The following CRYBA4 variants were observed in gnomAD, a reference collection of about 807,000 sequenced individuals.
CRYBA4 encodes the protein beta-crystallin A4.
CRYBA4 carries 30 observed loss-of-function variants against 31.7 expected under a neutral mutation model. That is an observed-to-expected ratio of 0.95 (90% CI 0.71 to 1.28). The LOEUF is 1.28. CRYBA4 is among the 50% of genes most tolerant of loss of function. The pLI is 0.00. For synonymous variants in CRYBA4, 102 were observed against 102.3 expected, an observed-to-expected ratio of 1.00 and a Z score of 0.02; for missense variants, 225 against 260.7, an observed-to-expected ratio of 0.86 and a Z score of 0.94.
At chr22:26,598,806 A>G in the CRYBA4 span, among the ~76,000 whole-genome samples, 1 of 152,256 alleles carries the variant, frequency 6.6e-6, no homozygotes, top group Non-Finnish European at 1.5e-5. Context: ...AAATATGTCA[A>G]AAGTAGACCA....
the CRYBA4 span, among the ~76,000 whole-genome samples, chr22:26,594,378 C>G: frequency 6.6e-6 from 1 of 152,198 alleles, no homozygotes; most frequent in African/African-American, 2.4e-5. Flanking sequence ...CTCCACCCCA[C>G]ATATACACAC....
the CRYBA4 span, among the ~76,000 whole-genome samples, chr22:26,592,268 A>T: frequency 2.3e-3 from 349 of 152,352 alleles, 2 homozygotes; most frequent in African/African-American, 7.6e-3. Flanking sequence ...CATTTGTTTA[A>T]TAACATTCTA....
upstream of CRYBA4, among the ~76,000 whole-genome samples, chr22:26,618,904 C>T (rs138499378): frequency 4.1e-4 from 63 of 152,344 alleles, no homozygotes; most frequent in African/African-American, 1.5e-3. Flanking sequence ...CTCGCCACCC[C>T]AGTTCCCCGC....
chr22:26,598,508 C>T, the CRYBA4 span, among the ~76,000 whole-genome samples: 4 of 152,020 alleles, frequency 2.6e-5, no homozygotes, highest in Non-Finnish European at 2.9e-5. Context: ...CTCAGTCTCC[C>T]GAATAGCTGG....
chr22:26,619,244 G>C (rs1485709372), upstream of CRYBA4, among the ~76,000 whole-genome samples: 1 of 152,176 alleles, frequency 6.6e-6, no homozygotes, highest in African/African-American at 2.4e-5. Flanking sequence ...ACACAGAGAG[G>C]CACAGGGGAC....
the CRYBA4 span, among the ~76,000 whole-genome samples, chr22:26,591,293 A>C: frequency 6.6e-6 from 1 of 152,172 alleles, no homozygotes; most frequent in African/African-American, 2.4e-5. Flanking sequence ...CAACATGGCG[A>C]AACCCTGTCT....
chr22:26,607,114 C>T, the CRYBA4 span, among the ~76,000 whole-genome samples: 1 of 151,228 alleles, frequency 6.6e-6, no homozygotes, highest in Non-Finnish European at 1.5e-5. Flanking sequence ...CCTCTGGCTC[C>T]CGGGTTCAAG....
chr22:26,590,533 C>T, the CRYBA4 span, among the ~76,000 whole-genome samples: 2 of 152,220 alleles, frequency 1.3e-5, no homozygotes, highest in Admixed American at 6.5e-5. Context: ...TAGTCATACA[C>T]ACCAGTGGTT....
intron 4 of CRYBA4, among the ~76,000 whole-genome samples, chr22:26,626,263 G>A (rs1432556147): frequency 6.6e-6 from 1 of 152,144 alleles, no homozygotes. Context: ...AATTAGTTGA[G>A]TGTGGTGGCA....
the CRYBA4 span, among the ~76,000 whole-genome samples, chr22:26,600,855 C>T: frequency 6.6e-6 from 1 of 152,224 alleles, no homozygotes; most frequent in African/African-American, 2.4e-5. Context: ...TCCTAGAAAC[C>T]TCTCCTCCTC....
chr22:26,600,578 G>T, the CRYBA4 span, among the ~76,000 whole-genome samples: 1 of 152,160 alleles, frequency 6.6e-6, no homozygotes, highest in African/African-American at 2.4e-5. Context: ...CTGTACAGTG[G>T]GGATGATAAT....
At chr22:26,612,269 G>T in the CRYBA4 span, 1 of 921,504 alleles carries the variant, frequency 1.1e-6, no homozygotes, top group Non-Finnish European at 1.8e-6. Flanking sequence ...ATAAATAAAA[G>T]CCAGCAGTGC....
the CRYBA4 span, among the ~76,000 whole-genome samples, chr22:26,591,281 G>T: frequency 6.6e-6 from 1 of 152,026 alleles, no homozygotes; most frequent in African/African-American, 2.4e-5. Flanking sequence ...GACCAGCCAG[G>T]CCAACATGGC....
At chr22:26,608,056 A>T in the CRYBA4 span, 1 of 1,613,946 alleles carries the variant, frequency 6.2e-7, no homozygotes, top group Non-Finnish European at 8.5e-7. Context: ...CAGACAGGAG[A>T]CATATGGTTA....
At chr22:26,601,813 G>C in the CRYBA4 span, 3 of 1,608,204 alleles carry the variant, frequency 1.9e-6, no homozygotes, top group Non-Finnish European at 2.5e-6. Context: ...ACCTGTAAGG[G>C]GAGCAGCCTC....
the CRYBA4 span, chr22:26,602,109 G>A: frequency 2.6e-6 from 4 of 1,539,180 alleles, no homozygotes; most frequent in Non-Finnish European, 3.5e-6. Context: ...TGTGGAGCGA[G>A]AGAGATGAGC....
At chr22:26,596,131 T>C in the CRYBA4 span, among the ~76,000 whole-genome samples, 12 of 152,232 alleles carry the variant, frequency 7.9e-5, no homozygotes, top group African/African-American at 2.9e-4. Context: ...GATGGAAGCT[T>C]GTTCTGTCGC....
Position 26,630,614 on chromosome 22 carries a change from G to T in CRYBA4, c.*127G>T. The T allele has an allele frequency of 1.3e-6, 1 of 766,498 alleles. No homozygotes were observed. Among genetic ancestry groups the T allele is most frequent in the Non-Finnish European group, 2.2e-6 (1 of 454,714 alleles). The allele number at this position is 766,498 out of a possible 1,614,324, so 47.5% of individuals were successfully genotyped here. On this transcript the variant is annotated 3_prime_UTR_variant, in exon 6 of 6. Transcript: ENST00000354760. The stretch of plus-strand genomic sequence containing the variant: ...GTGAACCCAGCACCCATGTGAACTG[G>T]TCCGTGCACAGTCAGCACAAAAAAC...
chr22:26,622,941 C>A (rs998896685), intron 2 of CRYBA4, among the ~76,000 whole-genome samples: 2 of 152,146 alleles, frequency 1.3e-5, no homozygotes, highest in African/African-American at 4.8e-5. Context: ...CCTTTAAAAG[C>A]CTGGAAGAAC....
Sources: gnomAD v4.1 joint callset for allele counts (sites outside exome capture counted in the v4.1 genomes callset) on GRCh38, gnomAD v4.1.1 for gene constraint, MANE v1.5 for transcripts, NCBI Gene and HGNC (gene_info 2026-07-23, HGNC 2026-07-21) for gene names.